The following SLC27A6 variants were observed in gnomAD, a reference collection of about 807,000 sequenced individuals.
SLC27A6 encodes long-chain fatty acid transport protein 6.
A neutral mutation model predicts 63.9 loss-of-function variants in SLC27A6; 74 were observed. That is an observed-to-expected ratio of 1.16 (90% CI 0.96 to 1.40). The LOEUF (loss-of-function observed/expected upper bound fraction) is 1.40, where lower values mean the gene tolerates loss of function less well. SLC27A6 is among the 40% of genes most tolerant of loss of function. SLC27A6 has a pLI of 0.00. For missense variants in SLC27A6, 794 were observed against 732.9 expected, an observed-to-expected ratio of 1.08 and a Z score of -0.96; for synonymous variants, 287 against 260.8, an observed-to-expected ratio of 1.10 and a Z score of -0.97.
intron 1 of SLC27A6, among the ~76,000 whole-genome samples, chr5:128,973,337 G>T (rs1355366039): frequency 6.6e-6 from 1 of 152,254 alleles, no homozygotes; most frequent in Non-Finnish European, 1.5e-5. Flanking sequence ...GTCTGCAGAA[G>T]TGTCTGCTGC....
At chr5:128,999,895 T>A (rs139513038) in intron 4 of SLC27A6, among the ~76,000 whole-genome samples, 1 of 152,060 alleles carries the variant, frequency 6.6e-6, no homozygotes, top group Non-Finnish European at 1.5e-5. Context: ...TACAAAAAGG[T>A]TAACTACTGA....
intron 4 of SLC27A6, among the ~76,000 whole-genome samples, chr5:128,993,793 G>A (rs1181987): frequency 0.87 from 131,940 of 151,802 alleles, 58,427 homozygotes; most frequent in Non-Finnish European, 0.95. Context: ...AAAACAGAAT[G>A]CCTGATTGCT....
At chr5:129,028,658 A>ATTT (rs35862007) in intron 8 of SLC27A6, among the ~76,000 whole-genome samples, 2 of 141,978 alleles carry the variant, frequency 1.4e-5, no homozygotes, top group African/African-American at 2.6e-5. Context: ...GCCTGCGTGT[A>ATTT]TTTTTTTTTT....
Position 129,027,146 on chromosome 5 carries a change from TC to T in SLC27A6, c.1270del (p.Leu424SerfsTer5). 1 of 1,613,308 alleles carries T rather than the reference TC, an allele frequency of 6.2e-7. No individual in the cohort carries two copies. The highest frequency in any genetic ancestry group is 2.2e-5 in the East Asian group (1 of 44,836). ...TCTTTCTTGCAGGAGAACCTGGACTTCTCATTTCTCGAGTGAATGCAAAAAA... is the reference window on the plus strand; with the variant it reads ...TCTTTCTTGCAGGAGAACCTGGACTTTCATTTCTCGAGTGAATGCAAAAAA... ...IHVKKGEPGL[L>X]ISRVNAKNPF... On this transcript the variant is annotated frameshift_variant, in exon 7 of 10. Coordinates refer to ENST00000262462, the MANE Select transcript of SLC27A6 (RefSeq NM_001017372.3). LOFTEE classifies it high-confidence loss of function.
Position 128,985,148 on chromosome 5 carries a change from T to G in SLC27A6, c.497T>G (p.Val166Gly). ...TGGCTTTTAGATTTGCTTGGAACGG[T>G]AGAAGAAATCCTTCCAAGCCTCTCA... Reference protein sequence around the residue: ...LVVGADLLGTVEEILPSLSEN... With the variant: ...LVVGADLLGTGEEILPSLSEN... The change falls in exon 2 of 10, where the codon GTA becomes GGA. Residue 166 changes from valine to glycine, a missense_variant. Val to Gly is a moderately radical substitution (Grantham distance 109). Coordinates refer to ENST00000262462, the MANE Select transcript of SLC27A6 (RefSeq NM_001017372.3). 6.2e-7 allele frequency: 1 copy of G among 1,613,524 alleles called. No individual in the cohort carries two copies. Among genetic ancestry groups the G allele is most frequent in the Non-Finnish European group, 8.5e-7 (1 of 1,179,802 alleles).
intron 1 of SLC27A6, among the ~76,000 whole-genome samples, chr5:128,971,649 A>T (rs114649328): frequency 2.6e-5 from 4 of 151,604 alleles, no homozygotes; most frequent in Admixed American, 6.6e-5. Context: ...TTGAGCCTAT[A>T]GTGTGTCTCT....
At chr5:129,003,278 G>A (rs1751405794) in intron 4 of SLC27A6, among the ~76,000 whole-genome samples, 2 of 151,078 alleles carry the variant, frequency 1.3e-5, no homozygotes, top group South Asian at 4.2e-4. Flanking sequence ...TTGAAAGAAA[G>A]CAACTTTATT....
At position 128,966,325 on chromosome 5, in the gene SLC27A6, A is replaced by G; in HGVS notation, c.188A>G (p.His63Arg). Residue 63 changes from histidine to arginine, a missense_variant, in exon 1 of 10, where the codon CAT becomes CGT. By Grantham distance (29) the His-to-Arg change is conservative. Transcript: ENST00000262462. ...ACTGTGCTGGATAAATTCTTGAGTC[A>G]TGCCAAAAGACAACCTCGGAAACCT... ...LVTVLDKFLS[H>R]AKRQPRKPFI... The G allele has an allele frequency of 1.9e-6, 3 of 1,614,148 alleles. No homozygotes were observed. Among genetic ancestry groups the G allele is most frequent in the South Asian group, 1.1e-5 (1 of 91,084 alleles).
chr5:128,971,235 T>C (rs904978357), intron 1 of SLC27A6, among the ~76,000 whole-genome samples: 5 of 152,130 alleles, frequency 3.3e-5, no homozygotes, highest in Non-Finnish European at 7.4e-5. Context: ...GTATATTCTG[T>C]TGATTTGGGG....
chr5:129,030,353 T>C (rs1752376131), intron 9 of SLC27A6, among the ~76,000 whole-genome samples: 1 of 152,026 alleles, frequency 6.6e-6, no homozygotes, highest in South Asian at 2.1e-4. Flanking sequence ...CCCAAAATTA[T>C]TACTCATCAT....
chr5:129,011,442 G>A (rs1359783168), intron 4 of SLC27A6, among the ~76,000 whole-genome samples: 1 of 152,174 alleles, frequency 6.6e-6, no homozygotes, highest in African/African-American at 2.4e-5. Context: ...TGGATGCTTG[G>A]AGGTATTCTT....
In SLC27A6 at chr5:128,965,767, G is replaced by A. The variant is rs1417157525; in HGVS notation, c.-371G>A. The A allele has an allele frequency of 5.2e-6, 1 of 192,902 alleles. No individual in the cohort carries two copies. The highest frequency in any genetic ancestry group is 2.3e-5 in the African/African-American group (1 of 42,850). 11.9% of individuals were successfully genotyped at this position (192,902 alleles called of 1,614,324 possible). ...ACAGAGAAGAGGTCTGGAAAGTCCT[G>A]GGGAACTCGCAGGGCACGGGCCGCT... On this transcript the variant is annotated 5_prime_UTR_variant, in exon 1 of 10. Transcript: ENST00000262462.
chr5:129,012,049 T>C (rs1751745266), intron 4 of SLC27A6, among the ~76,000 whole-genome samples: 1 of 151,692 alleles, frequency 6.6e-6, no homozygotes, highest in East Asian at 1.9e-4. Flanking sequence ...CATACGTGTA[T>C]TATATAAATA....
chr5:129,003,845 G>C (rs1192010414), intron 4 of SLC27A6, among the ~76,000 whole-genome samples: 1 of 151,726 alleles, frequency 6.6e-6, no homozygotes, highest in Non-Finnish European at 1.5e-5. Context: ...GTGCATGCCT[G>C]TAGTCTCAGC....
chr5:129,028,503 T>C (rs1752318355), intron 8 of SLC27A6, 61 bp downstream of exon 8: 1 of 983,512 alleles, frequency 1.0e-6, no homozygotes, highest in Non-Finnish European at 1.6e-6. Flanking sequence ...TATTCTCTAG[T>C]TTTGCAACAG....
intron 5 of SLC27A6, among the ~76,000 whole-genome samples, chr5:129,019,716 A>G (rs1183671659): frequency 6.6e-6 from 1 of 152,038 alleles, no homozygotes; most frequent in East Asian, 1.9e-4. Context: ...TGAGCATCAC[A>G]TAAAATAAAA....
At chr5:129,011,052 A>G (rs2150147429) in intron 4 of SLC27A6, among the ~76,000 whole-genome samples, 1 of 152,336 alleles carries the variant, frequency 6.6e-6, no homozygotes, top group East Asian at 1.9e-4. Flanking sequence ...TATCTATTTT[A>G]CTATTGATGG....
chr5:129,002,488 C>T (rs73784822), intron 4 of SLC27A6, among the ~76,000 whole-genome samples: 8 of 55,860 alleles, frequency 1.4e-4, no homozygotes, highest in South Asian at 1.2e-3. Flanking sequence ...TTCCCTCTCT[C>T]GTTCCTTCCC....
intron 4 of SLC27A6, among the ~76,000 whole-genome samples, chr5:129,012,143 T>G (rs1223811500): frequency 6.6e-6 from 1 of 151,902 alleles, no homozygotes; most frequent in Non-Finnish European, 1.5e-5. Context: ...ATAGCATAAT[T>G]TTTATTCTGT....
Sources: allele counts gnomAD v4.1 joint callset (sites outside exome capture counted in the v4.1 genomes callset), GRCh38; gene constraint gnomAD v4.1.1; transcripts MANE v1.5; gene names NCBI Gene and HGNC (gene_info 2026-07-23, HGNC 2026-07-21).